ELAPOR1: variants seen among roughly 807,000 people sequenced by gnomAD.
ELAPOR1 encodes endosome-lysosome associated apoptosis and autophagy regulator 1, also known as endosome/lysosome-associated apoptosis and autophagy regulator 1.
ELAPOR1 carries 77 observed loss-of-function variants against 119.7 expected under a neutral mutation model. That is an observed-to-expected ratio of 0.64 (90% CI 0.54 to 0.78). The LOEUF (loss-of-function observed/expected upper bound fraction) is 0.78. ELAPOR1 is among the 30% of genes least tolerant of loss of function. ELAPOR1 has a pLI of 0.00. For synonymous variants in ELAPOR1, 481 were observed against 487.2 expected, an observed-to-expected ratio of 0.99 and a Z score of 0.17; for missense variants, 1,115 against 1,270.4, an observed-to-expected ratio of 0.88 and a Z score of 1.86.
chr1:109,200,243 T>C lies in ELAPOR1; in HGVS notation c.2807+6T>C. ...TTTTGGAAAAAGAATCAAAAGTACA[T>C]GTTGCGGTATTGGAGTGTGGGGATG... is the stretch of plus-strand genomic sequence containing the variant. On this transcript the variant is annotated splice_donor_region_variant and intron_variant, in intron 20 of 21. Transcript: ENST00000369939. 2 of 1,613,646 alleles carry C rather than the reference T, an allele frequency of 1.2e-6. No homozygotes were observed. Among genetic ancestry groups the C allele is most frequent in the South Asian group, 1.1e-5 (1 of 91,070 alleles).
At chr1:109,166,161 T>C (rs1454379962) in intron 3 of ELAPOR1, among the ~76,000 whole-genome samples, 3 of 152,098 alleles carry the variant, frequency 2.0e-5, no homozygotes, top group African/African-American at 7.2e-5. Context: ...GTGATCCACC[T>C]GCCTCGGCCT....
Position 109,194,602 on chromosome 1 carries a change from A to G in ELAPOR1, c.2121+8A>G. On this transcript the variant is annotated splice_region_variant and intron_variant, in intron 15 of 21. Coordinates refer to ENST00000369939, the MANE Select transcript of ELAPOR1 (RefSeq NM_020775.5). Reference sequence around the variant, plus strand: ...AGTCTCTGTGGAAACCAGGTAAGGTATACCAGTTGACAGGGTGAAAATTGA... The same window carrying G: ...AGTCTCTGTGGAAACCAGGTAAGGTGTACCAGTTGACAGGGTGAAAATTGA... The G allele has an allele frequency of 1.2e-6, 2 of 1,612,986 alleles. No individual in the cohort carries two copies. Among genetic ancestry groups the G allele is most frequent in the Admixed American group, 3.3e-5 (2 of 60,016 alleles).
intron 4 of ELAPOR1, among the ~76,000 whole-genome samples, chr1:109,172,245 G>C (rs1651968784): frequency 6.6e-6 from 1 of 152,224 alleles, no homozygotes; most frequent in South Asian, 2.1e-4. Flanking sequence ...GTTTTATCCA[G>C]CTCAGACATG....
chr1:109,165,620 CA>C (rs1651548127), intron 3 of ELAPOR1, among the ~76,000 whole-genome samples: 1 of 151,014 alleles, frequency 6.6e-6, no homozygotes, highest in South Asian at 2.1e-4. Flanking sequence ...AAACAAAAAC[CA>C]AAAAAACCAA....
At chr1:109,147,579 C>T (rs561034521) in intron 1 of ELAPOR1, among the ~76,000 whole-genome samples, 29 of 151,936 alleles carry the variant, frequency 1.9e-4, no homozygotes, top group African/African-American at 6.8e-4. Context: ...TGTGCAACAC[C>T]GAGAGTGAAC....
intron 1 of ELAPOR1, 32 bp downstream of exon 1, chr1:109,114,368 G>T (rs1479416237): frequency 6.5e-7 from 1 of 1,537,682 alleles, no homozygotes; most frequent in Non-Finnish European, 8.8e-7. Context: ...ATCCCGCTTT[G>T]GTCACAAAAG....
chr1:109,171,538 C>A (rs1358681445), intron 3 of ELAPOR1, among the ~76,000 whole-genome samples: 1 of 151,716 alleles, frequency 6.6e-6, no homozygotes, highest in East Asian at 1.9e-4. Context: ...GGAGACAGAG[C>A]GAGACTCTGC....
At chr1:109,162,094 C>A in intron 2 of ELAPOR1, 80 bp downstream of exon 2, 1 of 1,487,536 alleles carries the variant, frequency 6.7e-7, no homozygotes, top group Non-Finnish European at 9.2e-7. Context: ...CCAATCTGGG[C>A]CCTTCCTGGC....
chr1:109,161,825 G>A, intron 1 of ELAPOR1, 69 bp from the exon 2 acceptor site: 1 of 1,554,096 alleles, frequency 6.4e-7, no homozygotes, highest in East Asian at 2.3e-5. Flanking sequence ...GTGCTGGGAA[G>A]TGGGTGGGAA....
intron 3 of ELAPOR1, among the ~76,000 whole-genome samples, chr1:109,166,573 G>A (rs1265185350): frequency 6.6e-6 from 1 of 152,120 alleles, no homozygotes; most frequent in Non-Finnish European, 1.5e-5. Flanking sequence ...TGTGAAATAG[G>A]CATTACTATT....
At chr1:109,122,227 A>G (rs1648475632) in intron 1 of ELAPOR1, among the ~76,000 whole-genome samples, 1 of 149,680 alleles carries the variant, frequency 6.7e-6, no homozygotes, top group Non-Finnish European at 1.5e-5. Flanking sequence ...GCACCACCAC[A>G]CTCTGCCATG....
intron 1 of ELAPOR1, among the ~76,000 whole-genome samples, chr1:109,125,209 G>A (rs184995130): frequency 1.3e-5 from 2 of 151,856 alleles, no homozygotes; most frequent in Non-Finnish European, 2.9e-5. Flanking sequence ...GAGTACAGGC[G>A]TGAGCCACCA....
At chr1:109,124,817 G>T (rs1648667323) in intron 1 of ELAPOR1, among the ~76,000 whole-genome samples, 1 of 152,130 alleles carries the variant, frequency 6.6e-6, no homozygotes, top group Non-Finnish European at 1.5e-5. Flanking sequence ...TTTTCAAAAG[G>T]ACCCTACTGG....
intron 1 of ELAPOR1, among the ~76,000 whole-genome samples, chr1:109,135,878 C>T (rs966196228): frequency 1.8e-4 from 27 of 152,150 alleles, no homozygotes; most frequent in African/African-American, 6.3e-4. Flanking sequence ...TGTCAAGGAT[C>T]TCTGGGTGGA....
chr1:109,114,748 G>A (rs1647876951), intron 1 of ELAPOR1, among the ~76,000 whole-genome samples: 1 of 152,120 alleles, frequency 6.6e-6, no homozygotes, highest in Admixed American at 6.6e-5. Flanking sequence ...AAGGAGTTAG[G>A]AAGGCCAGAA....
intron 3 of ELAPOR1, 114 bp from the exon 4 acceptor site, chr1:109,171,752 T>C: frequency 8.9e-7 from 1 of 1,128,906 alleles, no homozygotes; most frequent in Non-Finnish European, 1.3e-6. Flanking sequence ...TTTCAGTTTG[T>C]GAATCACAAG....
chr1:109,189,987 A>C (rs1000055141), intron 11 of ELAPOR1, among the ~76,000 whole-genome samples: 1 of 152,182 alleles, frequency 6.6e-6, no homozygotes, highest in Non-Finnish European at 1.5e-5. Context: ...AATAAAAATA[A>C]AAAATAATGG....
chr1:109,175,859 A>G (rs1652247710), intron 7 of ELAPOR1, among the ~76,000 whole-genome samples: 1 of 151,106 alleles, frequency 6.6e-6, no homozygotes, highest in African/African-American at 2.4e-5. Flanking sequence ...AAAGATTATA[A>G]CATAAACAGT....
chr1:109,131,834 T>G (rs190608028), intron 1 of ELAPOR1, among the ~76,000 whole-genome samples: 4 of 152,194 alleles, frequency 2.6e-5, no homozygotes, highest in Admixed American at 2.0e-4. Context: ...GGCAGGTCAT[T>G]GAAGAGGGAC....
Sources: gnomAD v4.1 joint callset for allele counts (sites outside exome capture counted in the v4.1 genomes callset) on GRCh38, gnomAD v4.1.1 for gene constraint, MANE v1.5 for transcripts, NCBI Gene and HGNC (gene_info 2026-07-23, HGNC 2026-07-21) for gene names.